LAMP5: variants seen among roughly 807,000 people sequenced by gnomAD.
The protein encoded by LAMP5 is lysosome-associated membrane glycoprotein 5.
Under a neutral mutation model 30.2 loss-of-function variants are expected in LAMP5, and 36 were observed. The observed-to-expected ratio is 1.19, with a 90% CI of 0.91 to 1.57. The LOEUF is 1.57. Ranked by LOEUF, LAMP5 falls within the 40% of genes most tolerant of loss-of-function variation. The pLI, the probability that LAMP5 is intolerant of heterozygous loss-of-function variation, is 0.00. For synonymous variants in LAMP5, 149 were observed against 134.6 expected, an observed-to-expected ratio of 1.11 and a Z score of -0.74; for missense variants, 377 against 354.9, an observed-to-expected ratio of 1.06 and a Z score of -0.50.
intron 5 of LAMP5, 73 bp downstream of exon 5, chr20:9,518,301 G>T: frequency 3.0e-6 from 4 of 1,328,104 alleles, no homozygotes; most frequent in Non-Finnish European, 3.2e-6. Context: ...ACCTACCAGG[G>T]CCCCAGGATG....
At chr20:9,522,037 A>C (rs372301701) in intron 5 of LAMP5, among the ~76,000 whole-genome samples, 45 of 152,228 alleles carry the variant, frequency 3.0e-4, no homozygotes, top group African/African-American at 9.6e-4. Flanking sequence ...CAGCTGAGAC[A>C]CAGGGAGGTG....
chr20:9,521,855 C>T (rs938436423), intron 5 of LAMP5, among the ~76,000 whole-genome samples: 1 of 152,164 alleles, frequency 6.6e-6, no homozygotes, highest in African/African-American at 2.4e-5. Flanking sequence ...GGAAGGCTAC[C>T]TCTATTTCCC....
Position 9,514,798 on chromosome 20 carries a change from C to G in LAMP5, c.-55C>G. The G allele has an allele frequency of 6.4e-7, 1 of 1,566,400 alleles. No individual in the cohort carries two copies. Among genetic ancestry groups the G allele is most frequent in the East Asian group, 2.2e-5 (1 of 44,476 alleles). Reference sequence around the variant, plus strand: ...CTCCAGCGGCGACTTTGAGGGATTCCCTCTCTGGCGGCCTCTGCAGCAGCA... The same window carrying G: ...CTCCAGCGGCGACTTTGAGGGATTCGCTCTCTGGCGGCCTCTGCAGCAGCA... On this transcript the variant is annotated 5_prime_UTR_variant, in exon 1 of 6. Coordinates refer to ENST00000246070, the MANE Select transcript of LAMP5 (RefSeq NM_012261.4).
chr20:9,515,003 T>G, intron 1 of LAMP5, 87 bp downstream of exon 1: 1 of 1,213,148 alleles, frequency 8.2e-7, no homozygotes, highest in African/African-American at 1.5e-5. Flanking sequence ...TAGCTTGAGA[T>G]AAAAAATATG....
chr20:9,519,542 C>T lies in LAMP5; in HGVS notation c.664+1314C>T, dbSNP rs545166403. Among the ~76,000 whole-genome samples, 23 of 152,280 alleles carry T rather than the reference C, an allele frequency of 1.5e-4. No homozygotes were observed. The South Asian group carries it at 1.7e-3, about 11-fold the overall frequency. Reference sequence around the variant, plus strand: ...CAAAATTGAAGCTACTAAACTGTGTCGAGACCTTAACAGTTTTTAAAAATC... The same window carrying T: ...CAAAATTGAAGCTACTAAACTGTGTTGAGACCTTAACAGTTTTTAAAAATC... On this transcript the variant is annotated intron_variant, in intron 5 of 5. Coordinates refer to ENST00000246070, the MANE Select transcript of LAMP5 (RefSeq NM_012261.4).
At chr20:9,524,055 G>A (rs1236213569) in intron 5 of LAMP5, among the ~76,000 whole-genome samples, 1 of 152,152 alleles carries the variant, frequency 6.6e-6, no homozygotes, top group African/African-American at 2.4e-5. Flanking sequence ...GAAATCATAG[G>A]TATTTTCATC....
At chr20:9,523,091 C>T (rs1369296379) in intron 5 of LAMP5, among the ~76,000 whole-genome samples, 1 of 150,524 alleles carries the variant, frequency 6.6e-6, no homozygotes, top group Non-Finnish European at 1.5e-5. Flanking sequence ...CTGTGCCTAG[C>T]AAATGCTTAC....
chr20:9,518,003 T>TGAGGGTTCTGCCAGCAG (rs759378386), intron 4 of LAMP5, 37 bp from the exon 5 acceptor site: 31 of 734,200 alleles, frequency 4.2e-5, no homozygotes, highest in Middle Eastern at 4.1e-4. Context: ...TTAGGAACAA[T>TGAGGGTTCTGCCAGCAG]GAGGGTTCTA....
intron 1 of LAMP5, among the ~76,000 whole-genome samples, chr20:9,515,247 T>A (rs909637422): frequency 1.2e-4 from 12 of 101,776 alleles, no homozygotes; most frequent in African/African-American, 5.7e-4. Flanking sequence ...GGATTTTTAA[T>A]TTTTTTAACT....
At chr20:9,521,442 T>C (rs1466642646) in intron 5 of LAMP5, among the ~76,000 whole-genome samples, 1 of 152,236 alleles carries the variant, frequency 6.6e-6, no homozygotes, top group East Asian at 1.9e-4. Flanking sequence ...ATTGGATGTG[T>C]AAAGATTTGG....
At chr20:9,527,185 C>A (rs1427167942) in intron 5 of LAMP5, among the ~76,000 whole-genome samples, 1 of 151,948 alleles carries the variant, frequency 6.6e-6, no homozygotes, top group Non-Finnish European at 1.5e-5. Context: ...CCTTTTAATG[C>A]CAGTAGTTTA....
intron 5 of LAMP5, among the ~76,000 whole-genome samples, chr20:9,528,757 C>T (rs149643036): frequency 6.6e-4 from 100 of 152,296 alleles, no homozygotes; most frequent in African/African-American, 2.3e-3. Flanking sequence ...CCCTTGTTTT[C>T]CTTTCCCCAG....
chr20:9,528,855 C>T (rs927191941), intron 5 of LAMP5, among the ~76,000 whole-genome samples: 3 of 152,172 alleles, frequency 2.0e-5, no homozygotes, highest in East Asian at 1.9e-4. Flanking sequence ...AGTATGTATA[C>T]ACTCCTTGTG....
At position 9,524,297 on chromosome 20, in the gene LAMP5, G is replaced by T. The variant is rs1293937347; in HGVS notation, c.665-5345G>T. 2.6e-5 allele frequency among the ~76,000 whole-genome samples: 4 copies of T among 151,804 alleles called. 1 individual carries two copies. The East Asian group carries it at 7.7e-4, about 29-fold the overall frequency. ...AGGGGTCCTTAGTTTTATTATACTT[G>T]CACAAAAAAGATTACAACCTTTTCT... On this transcript the variant is annotated intron_variant, in intron 5 of 5. Transcript: ENST00000246070.
chr20:9,515,968 G>C (rs1177974859), intron 2 of LAMP5, 32 bp from the exon 3 acceptor site: 1 of 1,478,770 alleles, frequency 6.8e-7, no homozygotes, highest in Non-Finnish European at 9.0e-7. Flanking sequence ...GGCCGGGCGA[G>C]CTGAGGGGGC....
At chr20:9,520,848 A>G (rs1003770943) in intron 5 of LAMP5, among the ~76,000 whole-genome samples, 3 of 152,140 alleles carry the variant, frequency 2.0e-5, no homozygotes, top group South Asian at 2.1e-4. Flanking sequence ...AGTGCATTGT[A>G]CTTGACTACT....
intron 5 of LAMP5, among the ~76,000 whole-genome samples, chr20:9,518,908 G>GCA (rs386393265): frequency 8.0e-5 from 2 of 24,926 alleles, no homozygotes; most frequent in African/African-American, 2.9e-4. Context: ...AGGGAGGGAA[G>GCA]GGTACCTGAA....
intron 5 of LAMP5, among the ~76,000 whole-genome samples, chr20:9,522,972 C>CTTTTTTTTTTTTT (rs60017722): frequency 3.8e-5 from 4 of 104,184 alleles, no homozygotes; most frequent in Non-Finnish European, 5.4e-5. Context: ...ATACTTAAAT[C>CTTTTTTTTTTTTT]TTTTTTTTTT....
intron 5 of LAMP5, among the ~76,000 whole-genome samples, chr20:9,527,215 C>T (rs572816862): frequency 3.3e-5 from 5 of 152,174 alleles, no homozygotes; most frequent in Admixed American, 2.6e-4. Context: ...AGTGCTGCCC[C>T]AACTATAGTG....
Sources: gnomAD v4.1 joint callset for allele counts (sites outside exome capture counted in the v4.1 genomes callset) on GRCh38, gnomAD v4.1.1 for gene constraint, MANE v1.5 for transcripts, NCBI Gene and HGNC (gene_info 2026-07-23, HGNC 2026-07-21) for gene names.